Variants in MGAM2 observed in about 807,000 individuals in gnomAD.
The protein encoded by MGAM2 is probable maltase-glucoamylase 2.
Under a neutral mutation model 96.1 loss-of-function variants are expected in MGAM2, and 98 were observed. The ratio of observed to expected loss-of-function variants is 1.02; its 90% confidence interval spans 0.87 to 1.21. The LOEUF (loss-of-function observed/expected upper bound fraction) is 1.21. Ranked by LOEUF, MGAM2 falls within the 50% of genes most tolerant of loss-of-function variation. The pLI is 0.00. For missense variants in MGAM2, 2,055 were observed against 1,182.4 expected (o/e 1.74, Z -10.82); for synonymous variants, 749 against 414.8 (o/e 1.81, Z -9.79).
chr7:142,205,486 TTA>T (rs1294412163), intron 45 of MGAM2, among the ~76,000 whole-genome samples: 2 of 86,544 alleles, frequency 2.3e-5, no homozygotes, highest in African/African-American at 7.5e-5. Context: ...ATCTATTTTT[TTA>T]ATTATGATCA....
rs1186597271 is a variant in MGAM2, at chr7:142,187,744, T to C, written c.4123-6T>C. 2.8e-6 allele frequency: 2 copies of C among 702,602 alleles called. No homozygotes were observed. Among genetic ancestry groups the C allele is most frequent in the South Asian group, 3.0e-5 (2 of 67,546 alleles). The allele number at this position is 702,602 out of a possible 1,614,324, so 43.5% of individuals were successfully genotyped here. A position where few individuals can be genotyped will look rare whatever the true frequency, so the allele number is the denominator to read the frequency against. ...GACGAGATCTTTTTTTGTTAACTCA[T>C]TTCAGGATATGAATGAGCCATCAAA... On this transcript the variant is annotated splice_polypyrimidine_tract_variant and splice_region_variant and intron_variant, in intron 35 of 47. Transcript: ENST00000477922.
intron 3 of MGAM2, among the ~76,000 whole-genome samples, chr7:142,124,271 C>T (rs1208177035): frequency 1.3e-5 from 2 of 152,034 alleles, no homozygotes; most frequent in African/African-American, 4.8e-5. Context: ...CACACCTGGC[C>T]CAGAAACGTT....
Position 142,196,691 on chromosome 7 carries a change from TC to T in MGAM2, c.4516-8del. Reference sequence around the variant, plus strand: ...TCCCACCTCATGCTCTCATTATGCATCTTCTCAGACAGGAGCAGATATCTGT... The same window carrying T: ...TCCCACCTCATGCTCTCATTATGCATTTCTCAGACAGGAGCAGATATCTGT... On this transcript the variant is annotated splice_polypyrimidine_tract_variant and splice_region_variant and intron_variant, in intron 39 of 47. Transcript: ENST00000477922. The T allele has an allele frequency of 1.3e-6, 1 of 781,358 alleles. No homozygotes were observed. Among genetic ancestry groups the T allele is most frequent in the Non-Finnish European group, 2.4e-6 (1 of 420,190 alleles). The allele number at this position is 781,358 out of a possible 1,614,324, so 48.4% of individuals were successfully genotyped here.
intron 32 of MGAM2, among the ~76,000 whole-genome samples, chr7:142,177,000 G>T (rs1055194734): frequency 1.8e-4 from 27 of 151,918 alleles, no homozygotes; most frequent in African/African-American, 6.3e-4. Context: ...AATATTTCAG[G>T]GTTAAACTTT....
Position 142,120,935 on chromosome 7 carries a change from C to T in MGAM2, c.186+554C>T, listed in dbSNP as rs927033465. ...AGTAGCTTCCATAAAATATCAGCGA[C>T]TTGAACCCTGATTAGTTGTGACTTA... On this transcript the variant is annotated intron_variant, in intron 3 of 47. Transcript: ENST00000477922. Among the ~76,000 whole-genome samples the T allele has an allele frequency of 3.3e-5, 5 of 152,276 alleles. No homozygotes were observed. The East Asian group carries it at 9.6e-4, about 29-fold the overall frequency.
At chr7:142,173,703 A>G (rs1796275465) in intron 31 of MGAM2, among the ~76,000 whole-genome samples, 1 of 152,214 alleles carries the variant, frequency 6.6e-6, no homozygotes, top group Non-Finnish European at 1.5e-5. Context: ...TGGGCTAAAA[A>G]GAAGCAAGTT....
chr7:142,141,226 G>A, intron 12 of MGAM2, 107 bp downstream of exon 12: 1 of 597,448 alleles, frequency 1.7e-6, no homozygotes, highest in Non-Finnish European at 2.9e-6. Context: ...TGTTTTCATG[G>A]CTTTAGAGGT....
chr7:142,144,075 C>A, intron 13 of MGAM2, 193 bp downstream of exon 13: 1 of 393,384 alleles, frequency 2.5e-6, no homozygotes, highest in Non-Finnish European at 4.6e-6. Context: ...AGGTTCTTAT[C>A]CTGCATCTTT....
At chr7:142,149,548 G>T (rs933952312) in intron 15 of MGAM2, among the ~76,000 whole-genome samples, 3 of 149,242 alleles carry the variant, frequency 2.0e-5, no homozygotes, top group South Asian at 2.1e-4. Context: ...TGGATGTTTT[G>T]TTTTTTTTTT....
intron 3 of MGAM2, among the ~76,000 whole-genome samples, chr7:142,129,470 C>T (rs1384852283): frequency 2.0e-5 from 3 of 152,056 alleles, no homozygotes; most frequent in Admixed American, 2.0e-4. Flanking sequence ...CTCTGTGTCC[C>T]CACCTAAATC....
At chr7:142,151,263 G>C (rs1795572281) in intron 15 of MGAM2, among the ~76,000 whole-genome samples, 1 of 152,166 alleles carries the variant, frequency 6.6e-6, no homozygotes, top group Admixed American at 6.5e-5. Flanking sequence ...TGATGACTTC[G>C]AGGCAGAGAC....
intron 16 of MGAM2, among the ~76,000 whole-genome samples, 197 bp downstream of exon 16, chr7:142,154,386 T>C (rs1221585470): frequency 6.6e-6 from 1 of 152,222 alleles, no homozygotes; most frequent in Non-Finnish European, 1.5e-5. Flanking sequence ...TTGTCATCCA[T>C]GGAATCTCTG....
At chr7:142,154,581 G>A (rs561757063) in intron 16 of MGAM2, 148 bp from the exon 17 acceptor site, 8 of 601,844 alleles carry the variant, frequency 1.3e-5, no homozygotes, top group Non-Finnish European at 2.4e-5. Context: ...TCTCTCCTTT[G>A]GCTGGGAGTG....
chr7:142,187,677 A>T, intron 35 of MGAM2, 73 bp from the exon 36 acceptor site: 1 of 671,144 alleles, frequency 1.5e-6, no homozygotes, highest in Non-Finnish European at 2.7e-6. Context: ...CATCTCCCTG[A>T]GTTAGTGTCC....
intron 46 of MGAM2, among the ~76,000 whole-genome samples, chr7:142,210,359 C>A (rs1273196510): frequency 6.6e-6 from 1 of 152,038 alleles, no homozygotes; most frequent in Non-Finnish European, 1.5e-5. Context: ...ACCATTCACT[C>A]CCCTGGAAAG....
At chr7:142,177,159 A>T (rs974438721) in intron 32 of MGAM2, among the ~76,000 whole-genome samples, 4 of 152,194 alleles carry the variant, frequency 2.6e-5, no homozygotes, top group Non-Finnish European at 4.4e-5. Flanking sequence ...CAAAAGAAAG[A>T]TGTTTAATGG....
chr7:142,216,578 C>A (rs1332753038), intron 46 of MGAM2, among the ~76,000 whole-genome samples: 1 of 152,150 alleles, frequency 6.6e-6, no homozygotes, highest in Non-Finnish European at 1.5e-5. Context: ...TGATTTGTAA[C>A]ATTTGCTAAT....
intron 45 of MGAM2, among the ~76,000 whole-genome samples, chr7:142,201,106 ACT>A (rs1422433579): frequency 1.5e-5 from 1 of 67,176 alleles, no homozygotes; most frequent in Non-Finnish European, 2.8e-5. Context: ...TTTGAGTCTC[ACT>A]CTCTCATTCA....
chr7:142,200,038 A>T (rs1797175610), intron 45 of MGAM2, 70 bp downstream of exon 45: 1 of 560,846 alleles, frequency 1.8e-6, no homozygotes, highest in Admixed American at 3.2e-5. Context: ...TCGGCATATA[A>T]CTAACATGAA....
Sources: gnomAD v4.1 joint callset for allele counts (sites outside exome capture counted in the v4.1 genomes callset) on GRCh38, gnomAD v4.1.1 for gene constraint, MANE v1.5 for transcripts, NCBI Gene and HGNC (gene_info 2026-07-23, HGNC 2026-07-21) for gene names.